Variants in KAZN observed in about 807,000 individuals in gnomAD.
The protein encoded by KAZN is kazrin.
In KAZN, 40 loss-of-function variants were observed where a neutral mutation model predicts 87.4. The ratio of observed to expected loss-of-function variants is 0.46; its 90% CI spans 0.36 to 0.60. The LOEUF (loss-of-function observed/expected upper bound fraction) is 0.60, where lower values mean the gene tolerates loss of function less well. KAZN is among the 20% of genes least tolerant of loss of function. KAZN has a pLI of 0.00. For synonymous variants in KAZN, 466 were observed against 458.3 expected (o/e 1.02, Z -0.22); for missense variants, 898 against 1,073.9 (o/e 0.84, Z 2.29).
chr1:14,101,763 A>G (rs1185653945), intron 1 of KAZN, among the ~76,000 whole-genome samples: 1 of 152,258 alleles, frequency 6.6e-6, no homozygotes, highest in Non-Finnish European at 1.5e-5. Context: ...AAGCACTGCT[A>G]AAGTACTTGA....
intron 2 of KAZN, among the ~76,000 whole-genome samples, chr1:14,556,405 G>A (rs1010507099): frequency 1.3e-5 from 2 of 152,006 alleles, no homozygotes; most frequent in East Asian, 1.9e-4. Context: ...CCCCGTGCCC[G>A]GCGGGGGAAG....
chr1:13,907,225 C>G (rs1639472681), intron 1 of KAZN, among the ~76,000 whole-genome samples: 3 of 152,178 alleles, frequency 2.0e-5, no homozygotes, highest in Admixed American at 2.0e-4. Context: ...CAGGGCACCC[C>G]CTCCAGGACT....
At chr1:14,004,413 A>G (rs982566101) in intron 1 of KAZN, among the ~76,000 whole-genome samples, 2 of 152,262 alleles carry the variant, frequency 1.3e-5, no homozygotes, top group African/African-American at 4.8e-5. Context: ...CAGTACATTT[A>G]CATAGTACAA....
chr1:14,290,763 G>A (rs1653621953), intron 2 of KAZN, among the ~76,000 whole-genome samples: 1 of 152,120 alleles, frequency 6.6e-6, no homozygotes, highest in South Asian at 2.1e-4. Context: ...GAGGCACTCT[G>A]GGTTTTAAAA....
At chr1:14,104,508 C>G (rs1644327687) in intron 1 of KAZN, among the ~76,000 whole-genome samples, 1 of 152,164 alleles carries the variant, frequency 6.6e-6, no homozygotes, top group South Asian at 2.1e-4. Context: ...AGCTGAAAAA[C>G]AAAGAAGAGG....
intron 2 of KAZN, among the ~76,000 whole-genome samples, chr1:14,575,160 GT>G (rs201671656): frequency 0.017 from 2,519 of 152,200 alleles, 76 homozygotes; most frequent in African/African-American, 0.058. Context: ...GGTCATGGAG[GT>G]CACTCTGGCA....
chr1:14,589,570 G>A (rs187706027), intron 2 of KAZN, among the ~76,000 whole-genome samples: 12 of 152,286 alleles, frequency 7.9e-5, no homozygotes, highest in Admixed American at 3.9e-4. Flanking sequence ...GATTTTTCCC[G>A]GGGCACTTTG....
At chr1:14,292,695 C>T (rs1653807513) in intron 2 of KAZN, among the ~76,000 whole-genome samples, 1 of 152,220 alleles carries the variant, frequency 6.6e-6, no homozygotes, top group African/African-American at 2.4e-5. Context: ...CCCGCCTCCC[C>T]ACCTTTCCTT....
At chr1:14,314,700 T>C (rs10927409) in intron 2 of KAZN, among the ~76,000 whole-genome samples, 75,492 of 151,984 alleles carry the variant, frequency 0.5, 19,984 homozygotes, top group African/African-American at 0.69. Flanking sequence ...GTAAAATTCA[T>C]TCTTTTAAAG....
intron 1 of KAZN, among the ~76,000 whole-genome samples, chr1:14,747,687 T>C (rs561358368): frequency 1.3e-5 from 2 of 152,258 alleles, no homozygotes; most frequent in South Asian, 2.1e-4. Context: ...AAGTATCAGT[T>C]TGAGTCCCTG....
chr1:14,663,937 C>T (rs550131611), intron 1 of KAZN, among the ~76,000 whole-genome samples: 18 of 152,290 alleles, frequency 1.2e-4, no homozygotes, highest in Non-Finnish European at 2.1e-4. Flanking sequence ...CGTCAACAAA[C>T]GAGTGGATCA....
At chr1:14,270,603 G>T (rs774636669) in intron 2 of KAZN, among the ~76,000 whole-genome samples, 5 of 152,116 alleles carry the variant, frequency 3.3e-5, no homozygotes, top group Admixed American at 1.3e-4. Flanking sequence ...TACTGAGGAG[G>T]TCTATCCTAC....
Position 14,085,412 on chromosome 1 carries a change from T to C in KAZN, c.92-95023T>C, listed in dbSNP as rs1570701954. The stretch of plus-strand genomic sequence containing the variant: ...TACCCCAGGAGCTTGCTTGTGTCCC[T>C]TTACAGCGGATCCCTTCTCACCACC... On this transcript the variant is annotated intron_variant, in intron 1 of 16. Coordinates refer to the KAZN transcript ENST00000636203. 2.6e-5 allele frequency among the ~76,000 whole-genome samples: 4 copies of C among 152,334 alleles called. No individual in the cohort carries two copies. In the South Asian group the frequency reaches 8.3e-4, roughly 32 times the overall value.
intron 2 of KAZN, among the ~76,000 whole-genome samples, chr1:14,292,646 A>T (rs1653801534): frequency 6.6e-6 from 1 of 152,174 alleles, no homozygotes; most frequent in Non-Finnish European, 1.5e-5. Context: ...AGGTGCAGAG[A>T]CAAGGCCCAG....
chr1:14,435,801 A>G (rs1666349928), intron 2 of KAZN, among the ~76,000 whole-genome samples: 1 of 151,496 alleles, frequency 6.6e-6, no homozygotes, highest in Admixed American at 6.6e-5. Flanking sequence ...ATATCTTCGA[A>G]TGGGGATGGT....
chr1:15,051,192 G>A (rs966788301), intron 4 of KAZN, among the ~76,000 whole-genome samples: 3 of 152,242 alleles, frequency 2.0e-5, no homozygotes, highest in South Asian at 2.1e-4. Flanking sequence ...TGAAGGACCT[G>A]GTAGAGGATT....
At chr1:13,903,874 A>C (rs573967084) in intron 1 of KAZN, among the ~76,000 whole-genome samples, 1 of 152,242 alleles carries the variant, frequency 6.6e-6, no homozygotes, top group African/African-American at 2.4e-5. Context: ...CATGGTGAGA[A>C]GTGAATCTGA....
intron 1 of KAZN, among the ~76,000 whole-genome samples, chr1:14,663,425 T>C (rs564153280): frequency 1.3e-5 from 2 of 152,256 alleles, no homozygotes; most frequent in Non-Finnish European, 2.9e-5. Flanking sequence ...ACAGAAGCAC[T>C]TTTTTCCTTT....
At chr1:14,738,313 G>A (rs917496330) in intron 1 of KAZN, among the ~76,000 whole-genome samples, 2 of 152,124 alleles carry the variant, frequency 1.3e-5, no homozygotes, top group Non-Finnish European at 2.9e-5. Flanking sequence ...AGCGGAGAGA[G>A]GGAAGCGATC....
Sources: allele counts gnomAD v4.1 joint callset (sites outside exome capture counted in the v4.1 genomes callset), GRCh38; gene constraint gnomAD v4.1.1; transcripts MANE v1.5; gene names NCBI Gene and HGNC (gene_info 2026-07-23, HGNC 2026-07-21).